Variants in PIKFYVE observed in about 807,000 individuals in gnomAD.
The protein encoded by PIKFYVE is 1-phosphatidylinositol 3-phosphate 5-kinase.
PIKFYVE carries 122 observed loss-of-function variants against 257.9 expected under a neutral mutation model. That is an observed-to-expected ratio of 0.47 (90% confidence interval 0.41 to 0.55). PIKFYVE has a LOEUF of 0.55. PIKFYVE is among the 20% of genes least tolerant of loss of function. The pLI is 0.00. For synonymous variants in PIKFYVE, 892 were observed against 868.9 expected (o/e 1.03, Z -0.47); for missense variants, 2,160 against 2,536.6 (o/e 0.85, Z 3.19).
chr2:208,293,267 A>G (rs907337377), intron 7 of PIKFYVE, among the ~76,000 whole-genome samples: 1 of 152,136 alleles, frequency 6.6e-6, no homozygotes, highest in Non-Finnish European at 1.5e-5. Flanking sequence ...AAGCATGCGT[A>G]CATACATAAT....
At chr2:208,327,830 G>A (rs930878583) in intron 20 of PIKFYVE, among the ~76,000 whole-genome samples, 1 of 152,134 alleles carries the variant, frequency 6.6e-6, no homozygotes. Flanking sequence ...ATTTCTGGGT[G>A]TCTCAGATTG....
At position 208,302,247 on chromosome 2, in the gene PIKFYVE, A is replaced by C. The variant is rs1434498801; in HGVS notation, c.1214A>C (p.Gln405Pro). The change falls in exon 10 of 42, where the codon CAA becomes CCA. Residue 405 changes from glutamine (Q) to proline (P), a missense_variant. Transcript: ENST00000264380. ...TTTTGTGGGTCTTGATTCAGGGCAC[A>C]AGCTATAGCAATTGGACAAGCAATG... The part of the protein sequence containing the change: ...IRNGHIATRA[Q>P]AIAIGQAMVD... 6.2e-7 allele frequency: 1 copy of C among 1,614,080 alleles called. No individual in the cohort carries two copies. The highest frequency in any genetic ancestry group is 8.5e-7 in the Non-Finnish European group (1 of 1,179,930).
In PIKFYVE at chr2:208,333,432, C is replaced by G. The variant is rs1697782355; in HGVS notation, c.4081C>G (p.His1361Asp). ...TRRANAEPCG[H>D]SIHHDYHQYF... ...CAGAGCCAACGCTGAGCCCTGTGGTCACTCCATCCATCATGATTATCACCA... is the reference window on the plus strand; with the variant it reads ...CAGAGCCAACGCTGAGCCCTGTGGTGACTCCATCCATCATGATTATCACCA... Residue 1361 changes from histidine (H) to aspartate (D), a missense_variant, in exon 24 of 42, where the codon CAC becomes GAC. Transcript: ENST00000264380. 6.2e-7 allele frequency: 1 copy of G among 1,614,064 alleles called. No individual in the cohort carries two copies.
intron 34 of PIKFYVE, among the ~76,000 whole-genome samples, chr2:208,346,628 T>TCCCA: frequency 6.6e-6 from 1 of 152,230 alleles, no homozygotes; most frequent in African/African-American, 2.4e-5. Flanking sequence ...GATTTGACAG[T>TCCCA]GCTGGAGCTG....
At chr2:208,354,288 A>C in intron 40 of PIKFYVE, 129 bp downstream of exon 40, 1 of 1,282,740 alleles carries the variant, frequency 7.8e-7, no homozygotes. Flanking sequence ...AATTTCAAAA[A>C]TAAGTTTTTT....
intron 32 of PIKFYVE, among the ~76,000 whole-genome samples, chr2:208,344,017 A>C (rs1215990777): frequency 6.6e-6 from 1 of 151,732 alleles, no homozygotes; most frequent in Non-Finnish European, 1.5e-5. Context: ...ACAGGATTTC[A>C]CCATGTTGGC....
Position 208,304,939 on chromosome 2 carries a change from TG to T in PIKFYVE, c.1564del (p.Asp522ThrfsTer3). 1 of 1,614,138 alleles carries T rather than the reference TG, an allele frequency of 6.2e-7. No individual in the cohort carries two copies. Among genetic ancestry groups the T allele is most frequent in the Non-Finnish European group, 8.5e-7 (1 of 1,180,024 alleles). ...SAASISLNVELDNVNFHIKKP... is the reference protein window; with the variant it reads ...SAASISLNVEXDNVNFHIKKP... ...GCTTCTATCAGCCTGAACGTGGAGC[TG>T]GACAACGTGAACTTCCATATCAAGA... On this transcript the variant is annotated frameshift_variant, in exon 12 of 42. Coordinates refer to ENST00000264380, the MANE Select transcript of PIKFYVE (RefSeq NM_015040.4). LOFTEE classifies it high-confidence loss of function.
chr2:208,314,638 C>T (rs1257641814), intron 14 of PIKFYVE, among the ~76,000 whole-genome samples: 2 of 152,188 alleles, frequency 1.3e-5, no homozygotes, highest in East Asian at 1.9e-4. Context: ...GTGGCTCACG[C>T]CTGTAATCCC....
At chr2:208,279,022 C>G (rs531323116) in intron 5 of PIKFYVE, among the ~76,000 whole-genome samples, 1 of 152,204 alleles carries the variant, frequency 6.6e-6, no homozygotes, top group Non-Finnish European at 1.5e-5. Flanking sequence ...ACATTCCCAT[C>G]AGCAGTGTAT....
intron 3 of PIKFYVE, chr2:208,274,150 A>G (rs1199076756): frequency 1.5e-6 from 2 of 1,323,064 alleles, no homozygotes; most frequent in Non-Finnish European, 2.1e-6. Context: ...TGTCAACTCC[A>G]TTATTGGGCT....
chr2:208,273,674 C>T lies in PIKFYVE; in HGVS notation c.263C>T (p.Ser88Leu). 1 of 1,614,162 alleles carries T rather than the reference C, an allele frequency of 6.2e-7. No individual in the cohort carries two copies. The highest frequency in any genetic ancestry group is 1.3e-5 in the African/African-American group (1 of 75,022). The change falls in exon 3 of 42, where the codon TCA (serine) becomes TTA (leucine). Residue 88 changes from serine to leucine, a missense_variant. This residue lies in a region of PIKFYVE where 172 missense variants were observed against 180.6 expected (regional missense o/e 0.95). Transcript: ENST00000264380. ...QLPSRTQSVR[S>L]PTPYKKQLNE... ...CCTTCGAGGACACAGTCTGTTAGGT[C>T]ACCCACACCTTATAAAAAGCAGCTT...
At position 208,342,626 on chromosome 2, in the gene PIKFYVE, C is replaced by A. The variant is rs572624704; in HGVS notation, c.5004C>A (p.Ser1668Arg). Residue 1668 changes from serine to arginine, a missense_variant, in exon 32 of 42, where the codon AGC (serine) becomes AGA (arginine). Ser to Arg is a moderately radical substitution (Grantham distance 110). Coordinates refer to ENST00000264380, the MANE Select transcript of PIKFYVE (RefSeq NM_015040.4). ...VPIAVCEKEP[S>R]SIIAFALSCK... is the part of the protein sequence containing the mutation. ...TTGCAGTCTGCGAGAAGGAACCCAG[C>A]TCCATCATTGCTTTTGCTCTCAGGT... 6.2e-7 allele frequency: 1 copy of A among 1,612,648 alleles called. No individual in the cohort carries two copies. Among genetic ancestry groups the A allele is most frequent in the Admixed American group, 1.7e-5 (1 of 60,010 alleles).
chr2:208,333,894 C>T (rs894008841), intron 24 of PIKFYVE, among the ~76,000 whole-genome samples: 9 of 152,136 alleles, frequency 5.9e-5, no homozygotes, highest in African/African-American at 1.7e-4. Flanking sequence ...TCTCCTGCCT[C>T]GGCCTTTCAA....
chr2:208,338,674 TAG>T, intron 29 of PIKFYVE, 106 bp downstream of exon 29: 1 of 1,083,608 alleles, frequency 9.2e-7, no homozygotes, highest in Non-Finnish European at 1.4e-6. Flanking sequence ...CTGTTGTTCA[TAG>T]ACTTCTTTTC....
Position 208,355,411 on chromosome 2 carries a change from G to A in PIKFYVE, c.*106G>A. ...TTCTTCATCGTGTTCACCACTGTAT[G>A]CCAAGGCTTTTCAGTTCTGTGGCTG... On this transcript the variant is annotated 3_prime_UTR_variant, in exon 42 of 42. Transcript: ENST00000264380. 1.2e-6 allele frequency: 1 copy of A among 862,370 alleles called. No homozygotes were observed. The allele number at this position is 862,370 out of a possible 1,614,324, so 53.4% of individuals were successfully genotyped here. A position where few individuals can be genotyped will look rare whatever the true frequency, so the allele number is the denominator to read the frequency against.
At chr2:208,290,816 G>A (rs1485865674) in intron 7 of PIKFYVE, among the ~76,000 whole-genome samples, 91 of 152,160 alleles carry the variant, frequency 6.0e-4, no homozygotes, top group Non-Finnish European at 5.9e-5. Context: ...TTTAATGGGT[G>A]TGTAGTATTA....
intron 38 of PIKFYVE, among the ~76,000 whole-genome samples, 186 bp downstream of exon 38, chr2:208,351,641 G>T (rs74902353): frequency 6.6e-6 from 1 of 152,072 alleles, no homozygotes; most frequent in East Asian, 1.9e-4. Context: ...TGCTGGCGGC[G>T]TCTGTTTCTG....
Position 208,304,995 on chromosome 2 carries a change from C to T in PIKFYVE, c.1618C>T (p.His540Tyr). ...CTCCAAGTACCCACATGTGCCCCCT[C>T]ACCCTGCTGACCAAAAAGGTAGGAG... Reference protein sequence around the residue: ...KPSKYPHVPPHPADQKEYLIS... With the variant: ...KPSKYPHVPPYPADQKEYLIS... The change falls in exon 12 of 42, where the codon CAC (histidine) becomes TAC (tyrosine). Residue 540 changes from histidine (H) to tyrosine (Y), a missense_variant. His to Tyr is a moderately conservative substitution (Grantham distance 83, BLOSUM62 2). This residue lies in a region of PIKFYVE where 346 missense variants were observed against 365.6 expected (regional missense o/e 0.95). Coordinates refer to ENST00000264380, the MANE Select transcript of PIKFYVE (RefSeq NM_015040.4). 1 of 1,614,134 alleles carries T rather than the reference C, an allele frequency of 6.2e-7. No individual in the cohort carries two copies.
At chr2:208,332,547 A>T (rs1697664589) in intron 23 of PIKFYVE, among the ~76,000 whole-genome samples, 1 of 152,178 alleles carries the variant, frequency 6.6e-6, no homozygotes, top group Admixed American at 6.5e-5. Flanking sequence ...TCAGTGTGGA[A>T]AAACTTGTAA....
Sources: gnomAD v4.1 joint callset for allele counts (sites outside exome capture counted in the v4.1 genomes callset) on GRCh38, gnomAD v4.1.1 for gene constraint, gnomAD v4.1.1 regional missense constraint, MANE v1.5 for transcripts, NCBI Gene and HGNC (gene_info 2026-07-23, HGNC 2026-07-21) for gene names.